Variants in PRDM6 observed in about 807,000 individuals in gnomAD.
The protein encoded by PRDM6 is putative histone-lysine N-methyltransferase PRDM6.
Under a neutral mutation model 60.8 loss-of-function variants are expected in PRDM6, and 25 were observed. The ratio of observed to expected loss-of-function variants is 0.41; its 90% confidence interval spans 0.30 to 0.57. PRDM6 has a LOEUF of 0.57. PRDM6 is among the 20% of genes least tolerant of loss of function. PRDM6 has a pLI of 0.27. For missense variants in PRDM6, 839 were observed against 821.3 expected, an observed-to-expected ratio of 1.02 and a Z score of -0.26; for synonymous variants, 407 against 357.4, an observed-to-expected ratio of 1.14 and a Z score of -1.57.
At chr5:123,165,593 T>G (rs969418254) in intron 5 of PRDM6, among the ~76,000 whole-genome samples, 1 of 152,226 alleles carries the variant, frequency 6.6e-6, no homozygotes, top group Non-Finnish European at 1.5e-5. Context: ...TAGGTAGCTC[T>G]GTCCCATAGA....
chr5:123,110,223 C>G (rs1157549817), intron 3 of PRDM6, among the ~76,000 whole-genome samples: 1 of 150,528 alleles, frequency 6.6e-6, no homozygotes, highest in Non-Finnish European at 1.5e-5. Flanking sequence ...AAAATTTTGA[C>G]TAAAATTAAT....
chr5:123,091,055 G>C (rs1258199633), intron 2 of PRDM6, among the ~76,000 whole-genome samples: 4 of 152,136 alleles, frequency 2.6e-5, no homozygotes, highest in Admixed American at 2.6e-4. Context: ...ACGCAGACCA[G>C]GGCTTGTTTT....
intron 3 of PRDM6, among the ~76,000 whole-genome samples, chr5:123,136,861 A>ATG (rs35890200): frequency 0.72 from 110,026 of 151,920 alleles, 39,991 homozygotes; most frequent in Non-Finnish European, 0.75. Context: ...CTGGCTGGCA[A>ATG]TGTGCATGGG....
intron 7 of PRDM6, among the ~76,000 whole-genome samples, chr5:123,180,941 G>C (rs888433165): frequency 1.3e-5 from 2 of 152,186 alleles, no homozygotes; most frequent in East Asian, 1.9e-4. Context: ...AGGATTCAGG[G>C]AATGTGGAAA....
chr5:123,103,392 A>T (rs545872022), intron 3 of PRDM6, among the ~76,000 whole-genome samples: 128 of 152,164 alleles, frequency 8.4e-4, no homozygotes, highest in African/African-American at 3.1e-3. Flanking sequence ...TCAGACAATG[A>T]CTTGCCTTGG....
chr5:123,094,003 C>T (rs114776226), intron 2 of PRDM6, among the ~76,000 whole-genome samples: 1,682 of 151,994 alleles, frequency 0.011, 31 homozygotes, highest in African/African-American at 0.039. Context: ...TTACTGGAAC[C>T]CTCCTGCGCA....
chr5:123,159,377 C>A, intron 4 of PRDM6, 137 bp from the exon 5 acceptor site: 1 of 917,070 alleles, frequency 1.1e-6, no homozygotes, highest in Non-Finnish European at 1.6e-6. Context: ...TGGGGACAAT[C>A]AGTTGGATGT....
intron 5 of PRDM6, among the ~76,000 whole-genome samples, chr5:123,163,859 A>G (rs1195466094): frequency 6.6e-6 from 1 of 152,222 alleles, no homozygotes; most frequent in Non-Finnish European, 1.5e-5. Flanking sequence ...CTTGATGGCA[A>G]CAGGGGAGTT....
intron 3 of PRDM6, among the ~76,000 whole-genome samples, chr5:123,102,424 G>A (rs1764124161): frequency 3.3e-5 from 5 of 151,592 alleles, no homozygotes; most frequent in Admixed American, 3.3e-4. Flanking sequence ...TTAAATTTTA[G>A]TTCTTTCTTT....
intron 3 of PRDM6, among the ~76,000 whole-genome samples, chr5:123,122,341 T>G (rs1475757016): frequency 6.6e-6 from 1 of 152,104 alleles, no homozygotes; most frequent in Non-Finnish European, 1.5e-5. Flanking sequence ...ACCTTTAAAA[T>G]GAGTGTTTTA....
intron 6 of PRDM6, among the ~76,000 whole-genome samples, chr5:123,172,394 G>A (rs1026851878): frequency 2.6e-5 from 4 of 152,144 alleles, no homozygotes; most frequent in African/African-American, 9.7e-5. Context: ...AGGCAGCTAT[G>A]TCTTCACAAT....
chr5:123,172,960 G>A (rs1765927623), intron 6 of PRDM6, among the ~76,000 whole-genome samples: 1 of 152,182 alleles, frequency 6.6e-6, no homozygotes, highest in Non-Finnish European at 1.5e-5. Flanking sequence ...GGGAGGCCGA[G>A]GCAGGCGGAT....
intron 3 of PRDM6, among the ~76,000 whole-genome samples, chr5:123,134,849 TTA>T (rs1764917470): frequency 6.6e-6 from 1 of 152,194 alleles, no homozygotes; most frequent in Non-Finnish European, 1.5e-5. Flanking sequence ...CAATAGAATG[TTA>T]CCTAAGACAT....
chr5:123,111,231 A>G (rs1247066271), intron 3 of PRDM6, among the ~76,000 whole-genome samples: 1 of 151,960 alleles, frequency 6.6e-6, no homozygotes, highest in Non-Finnish European at 1.5e-5. Context: ...AAAAAAATCT[A>G]TGTTTTCAAT....
chr5:123,099,762 C>A lies in PRDM6; in HGVS notation c.701C>A (p.Pro234Gln). 6.5e-7 allele frequency: 1 copy of A among 1,547,086 alleles called. No individual in the cohort carries two copies. Among genetic ancestry groups the A allele is most frequent in the Non-Finnish European group, 8.7e-7 (1 of 1,145,276 alleles). ...GTSSAAAAAP[P>Q]PELPEWLRDL... ...AGCAGCGCTGCGGCCGCCGCGCCCC[C>A]GCCGGAGCTGCCGGAGTGGCTGCGG... Residue 234 changes from proline to glutamine, a missense_variant, in exon 3 of 8, where the codon CCG (proline) becomes CAG (glutamine). Pro to Gln is a moderately conservative substitution (Grantham distance 76). This residue lies in a region of PRDM6 where 730 missense variants were observed against 648.8 expected (regional missense o/e 1.13). Transcript: ENST00000407847. The surrounding 1 kb of genome is among the most constrained non-coding windows in gnomAD (Gnocchi z 4.0).
chr5:123,180,462 C>A, intron 7 of PRDM6, 139 bp downstream of exon 7: 1 of 899,318 alleles, frequency 1.1e-6, no homozygotes, highest in Non-Finnish European at 1.6e-6. Context: ...GCAAACGAAT[C>A]TCTCCTTGTT....
intron 5 of PRDM6, among the ~76,000 whole-genome samples, chr5:123,167,583 T>G (rs1341316514): frequency 6.6e-6 from 1 of 152,254 alleles, no homozygotes; most frequent in East Asian, 1.9e-4. Flanking sequence ...GAGACAGGGT[T>G]TCTCCATGTT....
In PRDM6 at chr5:123,090,303, G is replaced by T. The variant is rs1256875024; in HGVS notation, c.289G>T (p.Ala97Ser). The T allele has an allele frequency of 8.3e-7, 1 of 1,205,636 alleles. No individual in the cohort carries two copies. The allele number at this position is 1,205,636 out of a possible 1,614,324, so 74.7% of individuals were successfully genotyped here. ...STSASSASSCAAAAAAAALAG... is the reference protein window; with the variant it reads ...STSASSASSCSAAAAAAALAG... Reference sequence around the variant, plus strand: ...CTCCGCCTCCTCCGCCTCCTCCTGCGCTGCTGCGGCCGCTGCCGCCGCGCT... The same window carrying T: ...CTCCGCCTCCTCCGCCTCCTCCTGCTCTGCTGCGGCCGCTGCCGCCGCGCT... The change falls in exon 2 of 8, where the codon GCT becomes TCT. Residue 97 changes from alanine to serine, a missense_variant. Ala to Ser is a moderately conservative substitution (Grantham distance 99, BLOSUM62 1). Coordinates refer to ENST00000407847, the MANE Select transcript of PRDM6 (RefSeq NM_001136239.4).
At chr5:123,159,397 A>G in intron 4 of PRDM6, 117 bp from the exon 5 acceptor site, 2 of 1,145,772 alleles carry the variant, frequency 1.7e-6, no homozygotes, top group Non-Finnish European at 2.4e-6. Flanking sequence ...TAAATTTATT[A>G]CAAACAGAAA....
Sources: allele counts gnomAD v4.1 joint callset (sites outside exome capture counted in the v4.1 genomes callset), GRCh38; gene constraint gnomAD v4.1.1; regional missense constraint gnomAD v4.1.1; non-coding constraint Gnocchi (gnomAD v3.1); transcripts MANE v1.5; gene names NCBI Gene and HGNC (gene_info 2026-07-23, HGNC 2026-07-21).